ADAMTS17: variants seen among roughly 807,000 people sequenced by gnomAD.
The protein encoded by ADAMTS17 is ADAM metallopeptidase with thrombospondin type 1 motif 17, also known as A disintegrin and metalloproteinase with thrombospondin motifs 17.
ADAMTS17 carries 113 observed loss-of-function variants against 141.5 expected under a neutral mutation model. That is an observed-to-expected ratio of 0.80 (90% CI 0.69 to 0.93). The LOEUF is 0.93. ADAMTS17 is among the 40% of genes least tolerant of loss of function. The pLI is 0.00. For missense variants in ADAMTS17, 1,659 were observed against 1,517.9 expected (o/e 1.09, Z -1.54); for synonymous variants, 768 against 630.6 (o/e 1.22, Z -3.27).
chr15:100,000,350 T>A (rs920148100), intron 18 of ADAMTS17, among the ~76,000 whole-genome samples: 1 of 152,232 alleles, frequency 6.6e-6, no homozygotes, highest in Non-Finnish European at 1.5e-5. Context: ...TCTCTTCTTT[T>A]GGCCAAGAGT....
At position 100,179,570 on chromosome 15, in the gene ADAMTS17, G is replaced by T. The variant is rs113824775; in HGVS notation, c.1181+19748C>A. ...CTTTTGGGTATATACCTAGCAGAGA[G>T]ATTGCTGGATCACAAAAATAGTTCT... On this transcript the variant is annotated intron_variant, in intron 8 of 21. Coordinates refer to ENST00000268070, the MANE Select transcript of ADAMTS17 (RefSeq NM_139057.4). 6.1e-3 allele frequency among the ~76,000 whole-genome samples: 929 copies of T among 152,308 alleles called. 12 individuals carry two copies. The highest frequency in any genetic ancestry group is 0.021 in the African/African-American group (877 of 41,564).
chr15:100,247,066 T>A (rs117175497), intron 7 of ADAMTS17, among the ~76,000 whole-genome samples: 2,284 of 152,100 alleles, frequency 0.015, 23 homozygotes, highest in Middle Eastern at 0.051. Context: ...TGTATTTTTT[T>A]TGTAGGGACA....
chr15:100,195,706 A>C (rs1380396446), intron 8 of ADAMTS17, among the ~76,000 whole-genome samples: 1 of 150,466 alleles, frequency 6.6e-6, no homozygotes, highest in Non-Finnish European at 1.5e-5. Flanking sequence ...TGTCCTAGGG[A>C]ACCCCTCTCC....
At chr15:100,050,050 TG>T (rs2032020193) in intron 17 of ADAMTS17, among the ~76,000 whole-genome samples, 1 of 152,224 alleles carries the variant, frequency 6.6e-6, no homozygotes. Context: ...GTCTGTGTCC[TG>T]GGCAATTTGT....
At chr15:100,301,339 A>T (rs56662530) in intron 3 of ADAMTS17, among the ~76,000 whole-genome samples, 10,606 of 150,798 alleles carry the variant, frequency 0.07, 605 homozygotes, top group East Asian at 0.23. Context: ...ATATATATAT[A>T]TTTTTCTGAG....
At chr15:100,103,532 C>G (rs1210201564) in intron 14 of ADAMTS17, among the ~76,000 whole-genome samples, 1 of 152,028 alleles carries the variant, frequency 6.6e-6, no homozygotes, top group Non-Finnish European at 1.5e-5. Flanking sequence ...ATTCCAGAAC[C>G]ACTGAAATCC....
intron 7 of ADAMTS17, among the ~76,000 whole-genome samples, chr15:100,212,506 C>T (rs1020929959): frequency 2.0e-5 from 3 of 152,102 alleles, no homozygotes. Flanking sequence ...AGCTTTATAG[C>T]TTTCATCTAA....
At chr15:100,310,477 G>A (rs921373797) in intron 3 of ADAMTS17, among the ~76,000 whole-genome samples, 5 of 152,172 alleles carry the variant, frequency 3.3e-5, no homozygotes, top group Admixed American at 1.3e-4. Context: ...AGAAATCCAC[G>A]GGACCCCAAC....
In ADAMTS17 at chr15:100,065,437, T is replaced by C. The variant is rs1179166878; in HGVS notation, c.2138-11383A>G. On this transcript the variant is annotated intron_variant, in intron 15 of 21. Coordinates refer to ENST00000268070, the MANE Select transcript of ADAMTS17 (RefSeq NM_139057.4). ...CAGCTACATTTTTAAACTATAATAA[T>C]TTCTATATTTTGGCTGAGTTTCTAT... Among the ~76,000 whole-genome samples, 3 of 152,234 alleles carry C rather than the reference T, an allele frequency of 2.0e-5. No individual in the cohort carries two copies. The East Asian group carries it at 5.8e-4, about 29-fold the overall frequency.
chr15:100,065,624 T>G (rs1310996148), intron 15 of ADAMTS17, among the ~76,000 whole-genome samples: 1 of 152,120 alleles, frequency 6.6e-6, no homozygotes, highest in African/African-American at 2.4e-5. Flanking sequence ...GTCATAGGAG[T>G]GCTTCCGAAG....
intron 4 of ADAMTS17, among the ~76,000 whole-genome samples, chr15:100,263,326 C>G (rs559042526): frequency 6.6e-6 from 1 of 152,188 alleles, no homozygotes; most frequent in African/African-American, 2.4e-5. Context: ...AGACCCACAG[C>G]CAGTCACAAT....
chr15:100,177,168 A>T (rs1239603214), intron 8 of ADAMTS17, among the ~76,000 whole-genome samples: 3 of 152,238 alleles, frequency 2.0e-5, no homozygotes, highest in Non-Finnish European at 4.4e-5. Flanking sequence ...TAAGTTTTAA[A>T]AGGAACTTTT....
At chr15:100,329,511 G>A (rs978521893) in intron 3 of ADAMTS17, among the ~76,000 whole-genome samples, 1 of 137,588 alleles carries the variant, frequency 7.3e-6, no homozygotes, top group African/African-American at 3.0e-5. Flanking sequence ...GGGTGACAGA[G>A]TGAGATCGTG....
In ADAMTS17 at chr15:100,203,587, C is replaced by T. The variant is rs1596266961; in HGVS notation, c.1076-4164G>A. ...GGGTGTGGTGGCAGGTGCCTGTAGTCCCAGCTACTTGGGAGACTGAGGCAG... is the reference window on the plus strand; with the variant it reads ...GGGTGTGGTGGCAGGTGCCTGTAGTTCCAGCTACTTGGGAGACTGAGGCAG... On this transcript the variant is annotated intron_variant, in intron 7 of 21. Transcript: ENST00000268070. Among the ~76,000 whole-genome samples, 6 of 152,282 alleles carry T rather than the reference C, an allele frequency of 3.9e-5. No homozygotes were observed. The South Asian group carries it at 1.2e-3, about 32-fold the overall frequency.
intron 6 of ADAMTS17, among the ~76,000 whole-genome samples, chr15:100,258,540 C>G (rs4408521): frequency 0.44 from 66,181 of 152,034 alleles, 15,409 homozygotes; most frequent in East Asian, 0.58. Context: ...GCACGTCTCA[C>G]ATGGCAGCAG....
chr15:100,199,061 A>G (rs1382420216), intron 8 of ADAMTS17, among the ~76,000 whole-genome samples: 1 of 152,184 alleles, frequency 6.6e-6, no homozygotes, highest in African/African-American at 2.4e-5. Context: ...CCTGAGAGGA[A>G]CCTCTTCTTT....
chr15:100,194,433 G>C (rs913031820), intron 8 of ADAMTS17, among the ~76,000 whole-genome samples: 1 of 152,166 alleles, frequency 6.6e-6, no homozygotes, highest in Non-Finnish European at 1.5e-5. Context: ...TTTTATACCG[G>C]AGCTTCCAAA....
At chr15:100,111,618 T>C (rs2036786953) in intron 13 of ADAMTS17, among the ~76,000 whole-genome samples, 1 of 152,234 alleles carries the variant, frequency 6.6e-6, no homozygotes, top group African/African-American at 2.4e-5. Context: ...CAAGGGTCCC[T>C]TGGCTGAAGT....
intron 8 of ADAMTS17, among the ~76,000 whole-genome samples, chr15:100,156,534 G>C (rs1385883495): frequency 2.6e-5 from 4 of 152,192 alleles, no homozygotes; most frequent in African/African-American, 7.2e-5. Flanking sequence ...CGTCAGTGGA[G>C]GGGGGGCATC....
Sources: allele counts gnomAD v4.1 joint callset (sites outside exome capture counted in the v4.1 genomes callset), GRCh38; gene constraint gnomAD v4.1.1; transcripts MANE v1.5; gene names NCBI Gene and HGNC (gene_info 2026-07-23, HGNC 2026-07-21).